Variants in CNTN3 observed in about 807,000 individuals in gnomAD.
The protein encoded by CNTN3 is contactin-3.
CNTN3 carries 60 observed loss-of-function variants against 119.1 expected under a neutral mutation model. The observed-to-expected ratio is 0.50, with a 90% CI of 0.41 to 0.62. CNTN3 has a LOEUF of 0.62. Among genes scored for constraint, CNTN3 ranks in the 20% least tolerant of loss-of-function variants. CNTN3 has a pLI of 0.00. For synonymous variants in CNTN3, 450 were observed against 438.7 expected (o/e 1.03, Z -0.32); for missense variants, 1,101 against 1,242.4 (o/e 0.89, Z 1.71).
At chr3:74,595,088 A>G (rs1477565153) in intron 1 of CNTN3, among the ~76,000 whole-genome samples, 3 of 151,988 alleles carry the variant, frequency 2.0e-5, no homozygotes, top group Non-Finnish European at 2.9e-5. Context: ...GGCTGCATAA[A>G]TGTCTTCTTT....
chr3:74,502,857 C>T (rs1449421369), intron 2 of CNTN3, among the ~76,000 whole-genome samples: 1 of 152,140 alleles, frequency 6.6e-6, no homozygotes, highest in Non-Finnish European at 1.5e-5. Context: ...GATCTTTCTA[C>T]ATAAACACTA....
intron 17 of CNTN3, among the ~76,000 whole-genome samples, chr3:74,298,757 C>T (rs1439086391): frequency 6.6e-6 from 1 of 151,556 alleles, no homozygotes; most frequent in Non-Finnish European, 1.5e-5. Flanking sequence ...ATTAGCCGGG[C>T]GTGGTGGCAT....
chr3:74,521,747 G>C (rs1264844381), intron 1 of CNTN3, among the ~76,000 whole-genome samples: 1 of 151,832 alleles, frequency 6.6e-6, no homozygotes, highest in Admixed American at 6.6e-5. Context: ...TGTTCAGTCT[G>C]AGAACCTTGC....
intron 3 of CNTN3, among the ~76,000 whole-genome samples, chr3:74,495,809 T>G (rs1318914303): frequency 6.6e-6 from 1 of 152,084 alleles, no homozygotes; most frequent in Non-Finnish European, 1.5e-5. Flanking sequence ...TGCAATGATA[T>G]TTAGCCCTTA....
intron 3 of CNTN3, among the ~76,000 whole-genome samples, chr3:74,494,158 C>T (rs574520512): frequency 2.6e-5 from 4 of 152,168 alleles, no homozygotes; most frequent in Admixed American, 6.6e-5. Context: ...CCTCCTCATA[C>T]GAACCTGGCC....
At chr3:74,410,675 T>G (rs568682394) in intron 5 of CNTN3, among the ~76,000 whole-genome samples, 1 of 152,172 alleles carries the variant, frequency 6.6e-6, no homozygotes. Flanking sequence ...GGCAGTAGAG[T>G]TGAAAACACA....
chr3:74,411,482 T>C (rs1042872312), intron 5 of CNTN3, among the ~76,000 whole-genome samples: 1 of 152,172 alleles, frequency 6.6e-6, no homozygotes, highest in Admixed American at 6.6e-5. Flanking sequence ...TCCTCTTTGA[T>C]AGGTAAAATC....
intron 5 of CNTN3, among the ~76,000 whole-genome samples, chr3:74,418,063 T>A (rs966809890): frequency 6.6e-6 from 1 of 152,126 alleles, no homozygotes; most frequent in East Asian, 1.9e-4. Context: ...GTGACATAAG[T>A]GCTGCTGTAA....
intron 1 of CNTN3, among the ~76,000 whole-genome samples, chr3:74,606,052 T>C (rs1393668904): frequency 6.6e-6 from 1 of 152,032 alleles, no homozygotes; most frequent in Non-Finnish European, 1.5e-5. Flanking sequence ...CAAAAAAAAG[T>C]GTGAGTAAAC....
At chr3:74,503,423 CA>C (rs1170588377) in intron 2 of CNTN3, among the ~76,000 whole-genome samples, 4 of 152,074 alleles carry the variant, frequency 2.6e-5, no homozygotes, top group Non-Finnish European at 5.9e-5. Context: ...AAATAATAAT[CA>C]AACGTGACAG....
At position 74,340,945 on chromosome 3, in the gene CNTN3, G is replaced by T. The variant is rs558807665; in HGVS notation, c.1365-4287C>A. On this transcript the variant is annotated intron_variant, in intron 11 of 22. Coordinates refer to ENST00000263665, the MANE Select transcript of CNTN3 (RefSeq NM_020872.3). ...TCCACTACAAATACAGAAGTGCTAG[G>T]AATAGAGGAAGAACTACAAATCCTT... Among the ~76,000 whole-genome samples, 3 of 152,240 alleles carry T rather than the reference G, an allele frequency of 2.0e-5. No homozygotes were observed. In the South Asian group the frequency reaches 6.2e-4, roughly 32 times the overall value.
chr3:74,285,073 A>G (rs2106781184), intron 20 of CNTN3, among the ~76,000 whole-genome samples: 1 of 152,308 alleles, frequency 6.6e-6, no homozygotes, highest in African/African-American at 2.4e-5. Flanking sequence ...AACACCCCAC[A>G]CTAAGATTTT....
intron 11 of CNTN3, among the ~76,000 whole-genome samples, chr3:74,341,407 T>C (rs907656178): frequency 2.6e-5 from 4 of 152,148 alleles, no homozygotes; most frequent in African/African-American, 4.8e-5. Context: ...TAACGATGAG[T>C]GACTCCTGTC....
At chr3:74,582,145 G>T (rs953022799) in intron 1 of CNTN3, among the ~76,000 whole-genome samples, 3 of 152,086 alleles carry the variant, frequency 2.0e-5, no homozygotes, top group Non-Finnish European at 4.4e-5. Context: ...GGTGGCTCAC[G>T]CCTGTAATCC....
chr3:74,572,852 G>T (rs1704356309), intron 1 of CNTN3, among the ~76,000 whole-genome samples: 1 of 152,238 alleles, frequency 6.6e-6, no homozygotes, highest in Non-Finnish European at 1.5e-5. Context: ...AGAGGTAACT[G>T]CCTGTATTGA....
chr3:74,418,946 A>G (rs561241625), intron 5 of CNTN3, among the ~76,000 whole-genome samples: 17 of 150,504 alleles, frequency 1.1e-4, no homozygotes, highest in African/African-American at 3.7e-4. Flanking sequence ...ACGCACCACC[A>G]TGCCTGGATA....
intron 4 of CNTN3, among the ~76,000 whole-genome samples, chr3:74,454,501 G>A (rs527470739): frequency 2.1e-4 from 32 of 152,086 alleles, no homozygotes; most frequent in African/African-American, 7.2e-4. Context: ...GGAGAATTTA[G>A]TCCATTTACT....
chr3:74,486,693 A>C (rs1284438936), intron 3 of CNTN3, 62 bp from the exon 4 acceptor site: 1 of 1,349,602 alleles, frequency 7.4e-7, no homozygotes, highest in South Asian at 1.5e-5. Flanking sequence ...AAGGCTCTCC[A>C]TTATAAAATC....
intron 11 of CNTN3, among the ~76,000 whole-genome samples, chr3:74,354,507 C>G (rs1057001747): frequency 6.6e-6 from 1 of 151,996 alleles, no homozygotes. Flanking sequence ...ACAAAACATA[C>G]AGTTTTGATT....
Sources: gnomAD v4.1 joint callset for allele counts (sites outside exome capture counted in the v4.1 genomes callset) on GRCh38, gnomAD v4.1.1 for gene constraint, MANE v1.5 for transcripts, NCBI Gene and HGNC (gene_info 2026-07-23, HGNC 2026-07-21) for gene names.